The following RNF20 variants were observed in gnomAD, a reference collection of about 807,000 sequenced individuals.
RNF20 encodes the protein E3 ubiquitin-protein ligase BRE1A.
A neutral mutation model predicts 126.2 loss-of-function variants in RNF20; 84 were observed. The ratio of observed to expected loss-of-function variants is 0.67; its 90% confidence interval spans 0.56 to 0.80. RNF20 has a LOEUF of 0.80. RNF20 is among the 30% of genes least tolerant of loss of function. RNF20 has a pLI of 0.00. For synonymous variants in RNF20, 400 were observed against 414.3 expected (o/e 0.97, Z 0.42); for missense variants, 869 against 1,188.2 (o/e 0.73, Z 3.95).
At chr9:101,539,542 G>A (rs1300739581) in intron 2 of RNF20, among the ~76,000 whole-genome samples, 1 of 152,202 alleles carries the variant, frequency 6.6e-6, no homozygotes, top group African/African-American at 2.4e-5. Context: ...TCTTGATGAG[G>A]TAAAGGGATT....
Position 101,552,619 on chromosome 9 carries a change from G to A in RNF20, c.1767G>A (p.Glu589=). 6.5e-7 allele frequency: 1 copy of A among 1,527,852 alleles called. No individual in the cohort carries two copies. Among genetic ancestry groups the A allele is most frequent in the Non-Finnish European group, 9.1e-7 (1 of 1,101,370 alleles). 94.6% of individuals were successfully genotyped at this position (1,527,852 alleles called of 1,614,324 possible). Residue 589 remains glutamate, a synonymous_variant, in exon 13 of 20, where the codon GAG becomes GAA. Coordinates refer to ENST00000389120, the MANE Select transcript of RNF20 (RefSeq NM_019592.7). ...AAAGAGAACGGGAGAAGGAGAAGGA[G>A]AGAGAACGAGAGAAGCAGAAGCTAA... ...EREREREKEK[E]REREKQKLKE... is the part of the protein sequence containing the mutation.
In RNF20 at chr9:101,560,941, T is replaced by A. The variant is rs1462147008; in HGVS notation, c.2508+15T>A. 1 of 1,607,266 alleles carries A rather than the reference T, an allele frequency of 6.2e-7. No homozygotes were observed. The highest frequency in any genetic ancestry group is 8.5e-7 in the Non-Finnish European group (1 of 1,177,628). ...ATAAACGCAAGGTATGATTGATTAA[T>A]CTAATGATGGTTAGTCTCAGTGGAA... On this transcript the variant is annotated intron_variant, in intron 17 of 19. Transcript: ENST00000389120.
intron 15 of RNF20, among the ~76,000 whole-genome samples, chr9:101,555,385 T>C (rs921861444): frequency 3.9e-5 from 6 of 152,048 alleles, no homozygotes; most frequent in African/African-American, 1.4e-4. Context: ...ACTATGGCTA[T>C]TTTGGGGTCA....
rs971117874 is a variant in RNF20, at chr9:101,553,584, A to AT, written c.1902-392dup. ...TCTCCCTCTTGAACTCTTTAAGGCA[A>AT]TTTTTTTTTTTTCTGGTGTGGTATC... is the stretch of plus-strand genomic sequence containing the variant. On this transcript the variant is annotated intron_variant, in intron 13 of 19. Transcript: ENST00000389120. Among the ~76,000 whole-genome samples, 736 of 145,646 alleles carry AT rather than the reference A, an allele frequency of 5.1e-3. 5 individuals are homozygous for AT. Among genetic ancestry groups the AT allele is most frequent in the African/African-American group, 0.014 (543 of 40,080 alleles).
chr9:101,556,553 T>C (rs944534222), intron 15 of RNF20, among the ~76,000 whole-genome samples: 1 of 152,144 alleles, frequency 6.6e-6, no homozygotes, highest in Non-Finnish European at 1.5e-5. Context: ...ATCATAGATA[T>C]GATATTTTAA....
rs1827651297 is a variant in RNF20, at chr9:101,563,091, A to G, written c.*669A>G. The G allele has an allele frequency of 6.6e-6, 1 of 152,394 alleles. No individual in the cohort carries two copies. The highest frequency in any genetic ancestry group is 1.5e-5 in the Non-Finnish European group (1 of 68,038). 9.4% of individuals were successfully genotyped at this position (152,394 alleles called of 1,614,324 possible). A position where few individuals can be genotyped will look rare whatever the true frequency, so the allele number is the denominator to read the frequency against. ...AGTCTTTAAATTTCTTGAGACTAGA[A>G]TAATTTTAAATAATATGACCCTTTG... On this transcript the variant is annotated 3_prime_UTR_variant, in exon 20 of 20. Transcript: ENST00000389120.
intron 1 of RNF20, among the ~76,000 whole-genome samples, chr9:101,534,501 A>G (rs901247518): frequency 6.6e-6 from 1 of 152,170 alleles, no homozygotes; most frequent in Non-Finnish European, 1.5e-5. Flanking sequence ...AACGTTAAAG[A>G]AGAGCTGGGG....
chr9:101,535,350 T>A, intron 1 of RNF20, 48 bp from the exon 2 acceptor site: 1 of 1,496,798 alleles, frequency 6.7e-7, no homozygotes, highest in South Asian at 1.3e-5. Context: ...ACTCTATTGT[T>A]GCTTTGCTTA....
At chr9:101,552,103 C>T in intron 11 of RNF20, 38 bp from the exon 12 acceptor site, 1 of 1,613,874 alleles carries the variant, frequency 6.2e-7, no homozygotes, top group Non-Finnish European at 8.5e-7. Context: ...TTTGCCCTTA[C>T]CACGGTTCCT....
chr9:101,547,895 A>G (rs1827378011), intron 9 of RNF20, among the ~76,000 whole-genome samples: 1 of 152,104 alleles, frequency 6.6e-6, no homozygotes, highest in East Asian at 1.9e-4. Flanking sequence ...TTTATAGATG[A>G]CATGACTTTA....
chr9:101,540,431 C>A, intron 3 of RNF20, 59 bp from the exon 4 acceptor site: 1 of 1,610,772 alleles, frequency 6.2e-7, no homozygotes, highest in South Asian at 1.1e-5. Context: ...CCTTACTGTT[C>A]TCTTCATTTC....
rs1170159999 is a variant in RNF20, at chr9:101,544,778, G to C, written c.640G>C (p.Val214Leu). The C allele has an allele frequency of 1.9e-6, 3 of 1,599,818 alleles. No individual in the cohort carries two copies. The highest frequency in any genetic ancestry group is 2.6e-6 in the Non-Finnish European group (3 of 1,167,254). ...TTCTTCTTCCCCAGATAATCTGATA[G>C]TGGAGGAAGCAGTGCAGGAGCTGAA... The part of the protein sequence containing the change: ...RKLNSGDNLI[V>L]EEAVQELNSF... Residue 214 changes from valine (V) to leucine (L), a missense_variant, in exon 6 of 20, where the codon GTG becomes CTG. By Grantham distance (32) the Val-to-Leu change is conservative. Transcript: ENST00000389120.
chr9:101,535,471 C>G lies in RNF20; in HGVS notation c.48C>G (p.Ser16=). ...NKRAAGEPGT[S]MPPEKKAAVE... is the part of the protein sequence containing the mutation. ...GAGCAGCTGGAGAACCTGGCACCTC[C>G]ATGCCTCCTGAGAAGAAGGCAGCTG... The change falls in exon 2 of 20, where the codon TCC becomes TCG. Residue 16 remains serine, a synonymous_variant. Coordinates refer to ENST00000389120, the MANE Select transcript of RNF20 (RefSeq NM_019592.7). The G allele has an allele frequency of 6.2e-7, 1 of 1,613,840 alleles. No individual in the cohort carries two copies. The highest frequency in any genetic ancestry group is 1.1e-5 in the South Asian group (1 of 91,078).
chr9:101,547,311 C>T (rs1368879872), intron 8 of RNF20, 88 bp from the exon 9 acceptor site: 16 of 1,601,618 alleles, frequency 1.0e-5, no homozygotes, highest in Non-Finnish European at 1.4e-5. Flanking sequence ...TGGGGTTTTG[C>T]TGGAATAGCG....
At chr9:101,561,636 C>CA (rs1482681782) in intron 18 of RNF20, among the ~76,000 whole-genome samples, 1 of 152,120 alleles carries the variant, frequency 6.6e-6, no homozygotes, top group Non-Finnish European at 1.5e-5. Context: ...TACTATAAAA[C>CA]AAAATAGACT....
rs371437951 is a variant in RNF20, at chr9:101,551,632, A to T, written c.1273-52A>T. The T allele has an allele frequency of 1.6e-3, 1,380 of 881,102 alleles. 3 individuals carry two copies. Among genetic ancestry groups the T allele is most frequent in the Non-Finnish European group, 1.9e-3 (1,240 of 648,466 alleles). 54.6% of individuals were successfully genotyped at this position (881,102 alleles called of 1,614,324 possible). A position where few individuals can be genotyped will look rare whatever the true frequency, so the allele number is the denominator to read the frequency against. On this transcript the variant is annotated intron_variant, in intron 10 of 19. Coordinates refer to ENST00000389120, the MANE Select transcript of RNF20 (RefSeq NM_019592.7). ...AGAGTAATCCATAGAATATGATGAT[A>T]TTTCTACATTTTAATAAGAATTTTT... is the stretch of plus-strand genomic sequence containing the variant.
chr9:101,534,993 C>T (rs1372817792), intron 1 of RNF20, among the ~76,000 whole-genome samples: 10 of 151,602 alleles, frequency 6.6e-5, no homozygotes, highest in African/African-American at 1.9e-4. Flanking sequence ...CTGCAAGCTC[C>T]GCCTCCCGGG....
In RNF20 at chr9:101,562,274, T is replaced by C; in HGVS notation, c.2780T>C (p.Met927Thr). ...CGCTTGACCTGTCCGTGCTGTAACATGCGTAAAAAGGATGCTGTTCTTACT... is the reference window on the plus strand; with the variant it reads ...CGCTTGACCTGTCCGTGCTGTAACACGCGTAAAAAGGATGCTGTTCTTACT... ...KARLTCPCCN[M>T]RKKDAVLTKC... The change falls in exon 20 of 20, where the codon ATG becomes ACG. Residue 927 changes from methionine to threonine, a missense_variant. Coordinates refer to ENST00000389120, the MANE Select transcript of RNF20 (RefSeq NM_019592.7). 1 of 1,614,020 alleles carries C rather than the reference T, an allele frequency of 6.2e-7. No homozygotes were observed. Among genetic ancestry groups the C allele is most frequent in the South Asian group, 1.1e-5 (1 of 91,074 alleles).
intron 6 of RNF20, among the ~76,000 whole-genome samples, chr9:101,546,442 G>C (rs543115977): frequency 6.6e-6 from 1 of 151,848 alleles, no homozygotes; most frequent in Non-Finnish European, 1.5e-5. Context: ...GGGTAAAAAT[G>C]GTTTTTTTGA....
Sources: gnomAD v4.1 joint callset for allele counts (sites outside exome capture counted in the v4.1 genomes callset) on GRCh38, gnomAD v4.1.1 for gene constraint, MANE v1.5 for transcripts, NCBI Gene and HGNC (gene_info 2026-07-23, HGNC 2026-07-21) for gene names.